The following VPS45 variants were observed in gnomAD, a reference collection of about 807,000 sequenced individuals.
VPS45 encodes the protein vacuolar protein sorting-associated protein 45.
A neutral mutation model predicts 75.9 loss-of-function variants in VPS45; 35 were observed. The ratio of observed to expected loss-of-function variants is 0.46; its 90% CI spans 0.35 to 0.61. VPS45 has a LOEUF of 0.61. Among genes scored for constraint, VPS45 ranks in the 20% least tolerant of loss-of-function variants. The pLI is 0.00. For synonymous variants in VPS45, 220 were observed against 238.2 expected (o/e 0.92, Z 0.70); for missense variants, 559 against 685.9 (o/e 0.81, Z 2.07).
At chr1:150,098,365 A>G (rs1656790078) in intron 13 of VPS45, among the ~76,000 whole-genome samples, 1 of 152,256 alleles carries the variant, frequency 6.6e-6, no homozygotes, top group South Asian at 2.1e-4. Context: ...GATGTTTGGT[A>G]AATTCTATAG....
chr1:150,082,278 G>A (rs1553799581), intron 9 of VPS45, among the ~76,000 whole-genome samples: 2 of 152,106 alleles, frequency 1.3e-5, no homozygotes, highest in South Asian at 2.1e-4. Flanking sequence ...AGGCCGAGGC[G>A]GGTGGATCAC....
At chr1:150,137,915 CAAAAA>C (rs61104098) in intron 14 of VPS45, among the ~76,000 whole-genome samples, 1 of 92,452 alleles carries the variant, frequency 1.1e-5, no homozygotes. Flanking sequence ...ACTCCGTCTC[CAAAAA>C]AAAAAAAAAA....
chr1:150,143,083 C>T (rs1317228635), intron 14 of VPS45, among the ~76,000 whole-genome samples: 1 of 152,136 alleles, frequency 6.6e-6, no homozygotes, highest in East Asian at 1.9e-4. Context: ...AAGACTTCCC[C>T]CTACCTCCCA....
At chr1:150,074,020 T>TC (rs1389888062) in intron 3 of VPS45, among the ~76,000 whole-genome samples, 2 of 150,574 alleles carry the variant, frequency 1.3e-5, no homozygotes, top group African/African-American at 4.9e-5. Flanking sequence ...GTTTTTGTTT[T>TC]TTTTTTTTGT....
intron 2 of VPS45, 88 bp downstream of exon 2, chr1:150,068,852 TATC>T: frequency 7.7e-7 from 1 of 1,300,444 alleles, no homozygotes; most frequent in South Asian, 1.8e-5. Context: ...AAATTTGTAT[TATC>T]ATAATTTGTG....
Position 150,070,545 on chromosome 1 carries a change from C to T in VPS45, c.229-1621C>T, listed in dbSNP as rs1333788132. ...CGGTGGCTCACGCCTGTAATCCTAG[C>T]ACTTTGGGAGGCCAAGGCAGGCGGA... On this transcript the variant is annotated intron_variant, in intron 2 of 14. Transcript: ENST00000644510. Among the ~76,000 whole-genome samples the T allele has an allele frequency of 7.0e-4, 106 of 151,766 alleles. 1 individual carries two copies. Among genetic ancestry groups the T allele is most frequent in the Non-Finnish European group, 7.6e-4 (52 of 67,978 alleles).
chr1:150,142,974 A>T (rs1374003244), intron 14 of VPS45: 4 of 333,276 alleles, frequency 1.2e-5, no homozygotes, highest in Admixed American at 1.1e-4. Flanking sequence ...TTTATATTAT[A>T]AAGAAGGCTG....
At chr1:150,130,935 A>C (rs1358953251) in intron 14 of VPS45, among the ~76,000 whole-genome samples, 1 of 152,210 alleles carries the variant, frequency 6.6e-6, no homozygotes, top group African/African-American at 2.4e-5. Context: ...TCAAACGAAG[A>C]AATAGGAACA....
rs782785555 is a variant in VPS45, at chr1:150,145,173, G to T, written c.*377G>T. 3 of 386,256 alleles carry T rather than the reference G, an allele frequency of 7.8e-6. No homozygotes were observed. Among genetic ancestry groups the T allele is most frequent in the Middle Eastern group, 6.8e-4 (1 of 1,464 alleles). 23.9% of individuals were successfully genotyped at this position (386,256 alleles called of 1,614,324 possible). ...CCTTTCTCTTCCCTTAACCCTTTCT[G>T]CTTTTCATTAACCACATTCCTGCAC... On this transcript the variant is annotated 3_prime_UTR_variant, in exon 15 of 15. Transcript: ENST00000644510.
chr1:150,121,788 A>G (rs1658243463), intron 14 of VPS45, among the ~76,000 whole-genome samples: 1 of 152,210 alleles, frequency 6.6e-6, no homozygotes, highest in Non-Finnish European at 1.5e-5. Flanking sequence ...GAGCACTGGG[A>G]TACCTCCATG....
intron 13 of VPS45, among the ~76,000 whole-genome samples, chr1:150,100,040 G>A (rs933755083): frequency 6.6e-6 from 1 of 152,094 alleles, no homozygotes; most frequent in Non-Finnish European, 1.5e-5. Flanking sequence ...AGGAAAACAG[G>A]AAGTTAAACT....
At chr1:150,075,138 C>CT (rs34217482) in intron 3 of VPS45, among the ~76,000 whole-genome samples, 2,607 of 119,224 alleles carry the variant, frequency 0.022, 182 homozygotes, top group African/African-American at 0.076. Context: ...TTAAAATTGT[C>CT]TTTTTTTTTT....
At chr1:150,107,091 G>C (rs1657369717) in intron 13 of VPS45, among the ~76,000 whole-genome samples, 1 of 151,968 alleles carries the variant, frequency 6.6e-6, no homozygotes. Flanking sequence ...CTTTTTACTT[G>C]TTTTTTAGTT....
chr1:150,092,767 T>C (rs1213964200), intron 12 of VPS45, among the ~76,000 whole-genome samples: 1 of 152,088 alleles, frequency 6.6e-6, no homozygotes, highest in Non-Finnish European at 1.5e-5. Context: ...GAAGCAAACT[T>C]TTGATCTTTT....
chr1:150,104,457 T>C (rs1553805316), intron 13 of VPS45, among the ~76,000 whole-genome samples: 1 of 152,236 alleles, frequency 6.6e-6, no homozygotes, highest in Non-Finnish European at 1.5e-5. Context: ...CTATTGTATA[T>C]AGTGCTGGGA....
intron 7 of VPS45, among the ~76,000 whole-genome samples, 168 bp from the exon 8 acceptor site, chr1:150,081,174 A>T (rs1277685398): frequency 2.0e-5 from 3 of 152,252 alleles, no homozygotes; most frequent in Admixed American, 1.3e-4. Flanking sequence ...ATCAATTAAA[A>T]TGACAGTCTT....
chr1:150,124,918 A>T (rs1255066025), intron 14 of VPS45, among the ~76,000 whole-genome samples: 1 of 151,782 alleles, frequency 6.6e-6, no homozygotes, highest in African/African-American at 2.4e-5. Flanking sequence ...TGTTTTTAAC[A>T]TAAGATCTAT....
intron 3 of VPS45, among the ~76,000 whole-genome samples, chr1:150,073,267 G>A (rs1655179680): frequency 6.6e-6 from 1 of 152,154 alleles, no homozygotes; most frequent in South Asian, 2.1e-4. Context: ...CATTTGAGAA[G>A]TTTTAAAGCT....
chr1:150,067,521 T>C, upstream of VPS45: 2 of 304,244 alleles, frequency 6.6e-6, no homozygotes, highest in Non-Finnish European at 1.2e-5. Flanking sequence ...CTCCACTCTC[T>C]TGGGCTTCAG....
Sources: allele counts gnomAD v4.1 joint callset (sites outside exome capture counted in the v4.1 genomes callset), GRCh38; gene constraint gnomAD v4.1.1; transcripts MANE v1.5; gene names NCBI Gene and HGNC (gene_info 2026-07-23, HGNC 2026-07-21).